GAS7: variants seen among roughly 807,000 people sequenced by gnomAD.
GAS7 encodes the protein growth arrest-specific protein 7.
A neutral mutation model predicts 71.1 loss-of-function variants in GAS7; 28 were observed. That is an observed-to-expected ratio of 0.39 (90% CI 0.29 to 0.54). The LOEUF (loss-of-function observed/expected upper bound fraction) is 0.54. Among genes scored for constraint, GAS7 ranks in the 20% least tolerant of loss-of-function variants. The pLI, the probability that GAS7 is intolerant of heterozygous loss-of-function variation, is 0.62. For synonymous variants in GAS7, 258 were observed against 245.8 expected, an observed-to-expected ratio of 1.05 and a Z score of -0.46; for missense variants, 436 against 627.8, an observed-to-expected ratio of 0.69 and a Z score of 3.27.
intron 1 of GAS7, among the ~76,000 whole-genome samples, chr17:10,063,956 T>A (rs2073249900): frequency 6.6e-6 from 1 of 152,194 alleles, no homozygotes; most frequent in Admixed American, 6.5e-5. Context: ...CAAAGGCCAT[T>A]GCCAAAGAGA....
In GAS7 at chr17:10,085,510, C is replaced by A. The variant is rs552550824; in HGVS notation, c.184-65613G>T. On this transcript the variant is annotated intron_variant, in intron 1 of 13. Transcript: ENST00000432992. ...CATCCTGGCTAACACGGTGAAACCCCGTCTCTACTAAAAATACCAAAAAAA... is the reference window on the plus strand; with the variant it reads ...CATCCTGGCTAACACGGTGAAACCCAGTCTCTACTAAAAATACCAAAAAAA... Among the ~76,000 whole-genome samples, 274 of 151,914 alleles carry A rather than the reference C, an allele frequency of 1.8e-3. 10 individuals carry two copies. The South Asian group carries it at 0.055, about 31-fold the overall frequency.
In GAS7 at chr17:9,936,343, G is replaced by A. The variant is rs79059803; in HGVS notation, c.807-2099C>T. On this transcript the variant is annotated intron_variant, in intron 8 of 13. Transcript: ENST00000432992. ...CCCAGGCGGTGCCCAGACTTTGTAT[G>A]AGCACATGCATCTTTCCACAGAGCT... Among the ~76,000 whole-genome samples the A allele has an allele frequency of 7.7e-4, 117 of 152,302 alleles. 1 individual carries two copies. The highest frequency in any genetic ancestry group is 2.7e-3 in the African/African-American group (113 of 41,544).
intron 1 of GAS7, among the ~76,000 whole-genome samples, chr17:10,140,289 C>T (rs547949333): frequency 4.7e-4 from 71 of 152,216 alleles, no homozygotes; most frequent in African/African-American, 1.7e-3. Context: ...TATGGAAACC[C>T]TATCTCTACA....
intron 2 of GAS7, among the ~76,000 whole-genome samples, chr17:10,014,883 G>A (rs972558720): frequency 1.3e-5 from 2 of 152,080 alleles, no homozygotes; most frequent in Admixed American, 6.6e-5. Flanking sequence ...AGCCAGGTGC[G>A]GTGACTCACG....
intron 1 of GAS7, chr17:10,036,827 A>C: frequency 1.3e-6 from 1 of 768,368 alleles, no homozygotes; most frequent in Non-Finnish European, 1.7e-6. Flanking sequence ...CACAACAAAC[A>C]ATGGCCAAGC....
At chr17:10,146,739 C>CT (rs983746394) in intron 1 of GAS7, among the ~76,000 whole-genome samples, 29 of 152,154 alleles carry the variant, frequency 1.9e-4, no homozygotes, top group African/African-American at 6.5e-4. Context: ...AATCCCAGCA[C>CT]TTTGGGAGGC....
At chr17:10,184,603 T>A (rs1227672091) in intron 1 of GAS7, among the ~76,000 whole-genome samples, 1 of 152,170 alleles carries the variant, frequency 6.6e-6, no homozygotes, top group Admixed American at 6.5e-5. Flanking sequence ...ACCTGGGAGC[T>A]GGCGGGAAAT....
At chr17:10,184,876 C>A (rs1014171017) in intron 1 of GAS7, among the ~76,000 whole-genome samples, 1 of 151,484 alleles carries the variant, frequency 6.6e-6, no homozygotes, top group African/African-American at 2.4e-5. Context: ...TGCTGACCTC[C>A]AGGAAAAGGG....
chr17:9,982,225 T>C (rs1336183689), intron 2 of GAS7, among the ~76,000 whole-genome samples: 1 of 152,046 alleles, frequency 6.6e-6, no homozygotes. Context: ...TCACCCCTAC[T>C]TTGTCTCGGG....
intron 1 of GAS7, among the ~76,000 whole-genome samples, chr17:10,072,443 A>G (rs1014865168): frequency 3.9e-5 from 6 of 152,214 alleles, no homozygotes; most frequent in Non-Finnish European, 1.5e-5. Flanking sequence ...GCCTTCGCCC[A>G]TGGCTGCATT....
intron 1 of GAS7, among the ~76,000 whole-genome samples, chr17:10,108,722 C>T (rs2073782672): frequency 6.6e-6 from 1 of 152,114 alleles, no homozygotes; most frequent in African/African-American, 2.4e-5. Flanking sequence ...ACCAAGAATA[C>T]ACATTGAGGA....
At chr17:10,056,756 G>A (rs1259073719) in intron 1 of GAS7, among the ~76,000 whole-genome samples, 3 of 151,214 alleles carry the variant, frequency 2.0e-5, no homozygotes, top group African/African-American at 4.9e-5. Flanking sequence ...CCCTCCCCAC[G>A]ATCTCCCTCC....
chr17:10,055,366 C>T (rs116074042), intron 1 of GAS7, among the ~76,000 whole-genome samples: 1,537 of 152,312 alleles, frequency 0.01, 40 homozygotes, highest in African/African-American at 0.034. Flanking sequence ...GAAGAATGCA[C>T]GGTGATGTGG....
At chr17:9,975,818 C>T (rs755020909) in intron 3 of GAS7, among the ~76,000 whole-genome samples, 1 of 152,228 alleles carries the variant, frequency 6.6e-6, no homozygotes, top group Non-Finnish European at 1.5e-5. Flanking sequence ...TCCTTCCGCG[C>T]ACACAGACGC....
intron 2 of GAS7, among the ~76,000 whole-genome samples, chr17:10,001,511 T>C (rs2071268055): frequency 6.6e-6 from 1 of 152,062 alleles, no homozygotes; most frequent in African/African-American, 2.4e-5. Flanking sequence ...AAAAGGGAAG[T>C]GGAGGCAGGA....
In GAS7 at chr17:10,005,046, T is replaced by C. The variant is rs558081205; in HGVS notation, c.304+14731A>G. Among the ~76,000 whole-genome samples the C allele has an allele frequency of 2.8e-4, 40 of 143,014 alleles. No homozygotes were observed. In the East Asian group the frequency reaches 4.0e-3, roughly 14 times the overall value. 93.8% of individuals were successfully genotyped at this position (143,014 alleles called of 152,430 possible). On this transcript the variant is annotated intron_variant, in intron 2 of 13. Transcript: ENST00000432992. ...CTCTCTCTCTATATATACATACATA[T>C]ATATACACATATATGTGTGTATGCA...
intron 1 of GAS7, among the ~76,000 whole-genome samples, chr17:10,180,218 G>A (rs1415235752): frequency 6.6e-6 from 1 of 151,510 alleles, no homozygotes; most frequent in East Asian, 2.0e-4. Context: ...GTGGGTGCCT[G>A]TAATCCCAGC....
intron 1 of GAS7, among the ~76,000 whole-genome samples, chr17:10,108,023 A>G (rs886192254): frequency 1.2e-4 from 18 of 151,882 alleles, no homozygotes; most frequent in African/African-American, 4.4e-4. Flanking sequence ...ACTTTACCAC[A>G]GTCCAGTGGA....
intron 2 of GAS7, among the ~76,000 whole-genome samples, chr17:10,010,168 G>C (rs923061553): frequency 6.7e-6 from 1 of 149,370 alleles, no homozygotes; most frequent in African/African-American, 2.5e-5. Context: ...TTTCTTTTTT[G>C]GGGGGGCGTC....
Sources: gnomAD v4.1 joint callset for allele counts (sites outside exome capture counted in the v4.1 genomes callset) on GRCh38, gnomAD v4.1.1 for gene constraint, MANE v1.5 for transcripts, NCBI Gene and HGNC (gene_info 2026-07-23, HGNC 2026-07-21) for gene names.